Variants in NRF1 observed in about 807,000 individuals in gnomAD.
NRF1 encodes alpha palindromic-binding protein.
In NRF1, 5 loss-of-function variants were observed where a neutral mutation model predicts 58.5. That is an observed-to-expected ratio of 0.09 (90% CI 0.04 to 0.18). The LOEUF (loss-of-function observed/expected upper bound fraction) is 0.18, where lower values mean the gene tolerates loss of function less well. Ranked by LOEUF, NRF1 falls within the 10% of genes least tolerant of loss-of-function variation. The probability of loss-of-function intolerance (pLI) is 1.00; values close to 1 mark genes in which losing one functional copy is unlikely to be tolerated. For synonymous variants in NRF1, 224 were observed against 246.7 expected (o/e 0.91, Z 0.86); for missense variants, 288 against 657.7 (o/e 0.44, Z 6.15).
intron 1 of NRF1, among the ~76,000 whole-genome samples, chr7:129,619,504 A>G (rs1288698533): frequency 3.0e-4 from 37 of 121,844 alleles, no homozygotes; most frequent in African/African-American, 1.0e-3. Flanking sequence ...ATATATATAT[A>G]TATATATATG....
At chr7:129,739,833 G>A (rs1249733806) in intron 10 of NRF1, among the ~76,000 whole-genome samples, 1 of 152,180 alleles carries the variant, frequency 6.6e-6, no homozygotes, top group African/African-American at 2.4e-5. Context: ...CCCGCCAAAA[G>A]ATCAAATATC....
intron 1 of NRF1, among the ~76,000 whole-genome samples, chr7:129,620,231 A>G (rs191906749): frequency 6.6e-6 from 1 of 152,160 alleles, no homozygotes; most frequent in Non-Finnish European, 1.5e-5. Flanking sequence ...ACCAGAAGGA[A>G]GGTAGGAGGA....
chr7:129,706,269 T>C (rs138035857), intron 5 of NRF1, among the ~76,000 whole-genome samples: 2,285 of 152,280 alleles, frequency 0.015, 25 homozygotes, highest in Non-Finnish European at 0.023. Flanking sequence ...TGGAGGTGTT[T>C]TGAGCATTGG....
chr7:129,737,893 C>A (rs1180376765), intron 10 of NRF1, among the ~76,000 whole-genome samples: 1 of 152,196 alleles, frequency 6.6e-6, no homozygotes, highest in South Asian at 2.1e-4. Flanking sequence ...AGCTCAGTGC[C>A]TCAGGACTTG....
chr7:129,739,630 A>G (rs1803801213), intron 10 of NRF1, among the ~76,000 whole-genome samples: 1 of 152,002 alleles, frequency 6.6e-6, no homozygotes, highest in South Asian at 2.1e-4. Context: ...GAACTGATCT[A>G]TTTTTATGCA....
chr7:129,721,550 C>T (rs1329635527), intron 9 of NRF1, among the ~76,000 whole-genome samples: 4 of 150,320 alleles, frequency 2.7e-5, no homozygotes, highest in African/African-American at 7.4e-5. Context: ...GGCGCGATCT[C>T]GGCTCACTGC....
chr7:129,745,260 T>C (rs1302967272), intron 10 of NRF1, among the ~76,000 whole-genome samples: 1 of 152,112 alleles, frequency 6.6e-6, no homozygotes, highest in Non-Finnish European at 1.5e-5. Context: ...TTCTTCCTAG[T>C]GATTTCTTCT....
chr7:129,693,173 A>G (rs954446495), intron 5 of NRF1, among the ~76,000 whole-genome samples: 9 of 152,196 alleles, frequency 5.9e-5, no homozygotes, highest in Non-Finnish European at 1.3e-4. Flanking sequence ...TAGAGCAAAA[A>G]TGAGTTAAGC....
chr7:129,634,683 T>C (rs190633853), intron 1 of NRF1, among the ~76,000 whole-genome samples: 2 of 152,344 alleles, frequency 1.3e-5, no homozygotes, highest in Admixed American at 1.3e-4. Flanking sequence ...TGGACATAAG[T>C]TTCAGCATAT....
chr7:129,697,609 A>G (rs1802730095), intron 5 of NRF1, among the ~76,000 whole-genome samples: 1 of 152,198 alleles, frequency 6.6e-6, no homozygotes, highest in African/African-American at 2.4e-5. Flanking sequence ...CTAGTGACAG[A>G]TAGAACTTAG....
intron 4 of NRF1, among the ~76,000 whole-genome samples, chr7:129,682,801 C>CA (rs997097400): frequency 2.0e-5 from 3 of 151,456 alleles, no homozygotes; most frequent in East Asian, 3.9e-4. Flanking sequence ...GACAATGGCC[C>CA]AAAAAACAAA....
In NRF1 at chr7:129,719,543, C is replaced by CACACACACACACACAA. The variant is rs1255895761; in HGVS notation, c.1223+2168_1223+2169insCACACACACACACAAA. Among the ~76,000 whole-genome samples the CACACACACACACACAA allele has an allele frequency of 1.8e-3, 249 of 142,156 alleles. 2 individuals carry two copies. The highest frequency in any genetic ancestry group is 6.0e-3 in the African/African-American group (225 of 37,744). 93.3% of individuals were successfully genotyped at this position (142,156 alleles called of 152,430 possible). On this transcript the variant is annotated intron_variant, in intron 9 of 10. Coordinates refer to ENST00000393232, the MANE Select transcript of NRF1 (RefSeq NM_005011.5). ...ACACACACACACACACACACACACA[C>CACACACACACACACAA]AACACATCTTCTCAGAGTTACCTAG...
rs190868593 is a variant in NRF1 at position 129,754,063 on chromosome 7, T to C, written c.1349-955T>C. On this transcript the variant is annotated intron_variant, in intron 10 of 10. Transcript: ENST00000393232. The stretch of plus-strand genomic sequence containing the variant: ...ACCTGACGGGCCTGTGCTTCCTAGA[T>C]GCGGAGGCAGGCAGGGCCCTCTCAC... 2.7e-3 allele frequency among the ~76,000 whole-genome samples: 409 copies of C among 152,282 alleles called. 1 individual carries two copies. Among genetic ancestry groups the C allele is most frequent in the African/African-American group, 9.3e-3 (387 of 41,558 alleles).
intron 10 of NRF1, among the ~76,000 whole-genome samples, chr7:129,745,860 T>C (rs1359584018): frequency 1.3e-5 from 2 of 152,174 alleles, no homozygotes; most frequent in African/African-American, 4.8e-5. Context: ...AAAGTAAAAA[T>C]GAATTCAGTT....
chr7:129,676,178 A>C (rs1802172352), intron 3 of NRF1, among the ~76,000 whole-genome samples: 1 of 152,228 alleles, frequency 6.6e-6, no homozygotes, highest in Admixed American at 6.5e-5. Context: ...CGGACCACTA[A>C]AACTTTCTCC....
At chr7:129,624,509 G>C (rs1344248921) in intron 1 of NRF1, among the ~76,000 whole-genome samples, 3 of 152,178 alleles carry the variant, frequency 2.0e-5, no homozygotes, top group Non-Finnish European at 2.9e-5. Flanking sequence ...GATGGGAAGA[G>C]ATTCTAAATC....
intron 1 of NRF1, among the ~76,000 whole-genome samples, chr7:129,650,885 C>T (rs35479734): frequency 2.5e-3 from 386 of 152,150 alleles, no homozygotes; most frequent in Non-Finnish European, 4.2e-3. Flanking sequence ...CTTTAGCTAT[C>T]CAGGGAATCT....
intron 1 of NRF1, among the ~76,000 whole-genome samples, chr7:129,634,998 A>G (rs986145699): frequency 6.6e-6 from 1 of 151,436 alleles, no homozygotes; most frequent in African/African-American, 2.4e-5. Flanking sequence ...ATGTGTTTTT[A>G]CTCTCTTTAT....
rs538869031 is a variant in NRF1 at position 129,642,979 on chromosome 7, A to G, written c.-6-14367A>G. ...TTTCACCATTTCACCCAGGCTGAGA[A>G]TACACTTTTTAAACTTAGAGATACA... On this transcript the variant is annotated intron_variant, in intron 1 of 10. Coordinates refer to ENST00000393232, the MANE Select transcript of NRF1 (RefSeq NM_005011.5). Among the ~76,000 whole-genome samples the G allele has an allele frequency of 2.6e-5, 4 of 152,078 alleles. No homozygotes were observed. The South Asian group carries it at 8.3e-4, about 32-fold the overall frequency.
Sources: allele counts gnomAD v4.1 joint callset (sites outside exome capture counted in the v4.1 genomes callset), GRCh38; gene constraint gnomAD v4.1.1; transcripts MANE v1.5; gene names NCBI Gene and HGNC (gene_info 2026-07-23, HGNC 2026-07-21).